LARGE1: variants seen among roughly 807,000 people sequenced by gnomAD.
The protein encoded by LARGE1 is xylosyl- and glucuronyltransferase LARGE1.
In LARGE1, 43 loss-of-function variants were observed where a neutral mutation model predicts 87.6. The observed-to-expected ratio is 0.49, with a 90% CI of 0.38 to 0.63. LARGE1 has a LOEUF of 0.63. Ranked by LOEUF, LARGE1 falls within the 30% of genes least tolerant of loss-of-function variation. The pLI, the probability that LARGE1 is intolerant of heterozygous loss-of-function variation, is 0.00. For synonymous variants in LARGE1, 434 were observed against 394.6 expected (o/e 1.10, Z -1.18); for missense variants, 802 against 1,000.2 (o/e 0.80, Z 2.67).
chr22:33,405,920 C>T (rs1443647612), intron 7 of LARGE1, among the ~76,000 whole-genome samples: 12 of 152,068 alleles, frequency 7.9e-5, no homozygotes, highest in African/African-American at 2.9e-4. Flanking sequence ...TAAATGAAGA[C>T]CATTAAAAAT....
chr22:33,836,811 GAATT>G (rs1035917891), intron 1 of LARGE1, among the ~76,000 whole-genome samples: 3 of 148,262 alleles, frequency 2.0e-5, no homozygotes, highest in Non-Finnish European at 4.4e-5. Flanking sequence ...AAAAAAAAAA[GAATT>G]AATCCATGTA....
At chr22:33,294,875 G>A (rs1276206278) in intron 12 of LARGE1, among the ~76,000 whole-genome samples, 2 of 152,224 alleles carry the variant, frequency 1.3e-5, no homozygotes, top group African/African-American at 2.4e-5. Context: ...GGACTGTGAA[G>A]AGGCCTCTTT....
intron 2 of LARGE1, among the ~76,000 whole-genome samples, chr22:33,705,473 C>G (rs191408962): frequency 6.6e-6 from 1 of 152,152 alleles, no homozygotes; most frequent in African/African-American, 2.4e-5. Flanking sequence ...GCACTGCTCA[C>G]GTCTCTACTT....
At chr22:33,310,398 C>G (rs1253475698) in intron 11 of LARGE1, among the ~76,000 whole-genome samples, 1 of 152,132 alleles carries the variant, frequency 6.6e-6, no homozygotes, top group Non-Finnish European at 1.5e-5. Flanking sequence ...CCCTCGTGAT[C>G]AGCTCCCTCT....
intron 7 of LARGE1, among the ~76,000 whole-genome samples, chr22:33,411,804 T>C (rs1601747623): frequency 1.3e-5 from 2 of 152,296 alleles, no homozygotes; most frequent in East Asian, 3.9e-4. Context: ...AACTATGCAG[T>C]TCTTAACAAG....
intron 1 of LARGE1, among the ~76,000 whole-genome samples, chr22:33,767,726 A>G (rs2084948563): frequency 6.6e-6 from 1 of 152,166 alleles, no homozygotes. Flanking sequence ...AACACTGCAC[A>G]TGAAGAAGGA....
At chr22:33,195,743 T>TC (rs1289653881) in intron 11 of LARGE1, among the ~76,000 whole-genome samples, 3 of 35,728 alleles carry the variant, frequency 8.4e-5, no homozygotes, top group Admixed American at 5.2e-4. Context: ...AATTAATTTC[T>TC]TTTTTCTTTT....
intron 9 of LARGE1, among the ~76,000 whole-genome samples, chr22:33,376,792 A>G (rs1196486054): frequency 1.3e-5 from 2 of 152,192 alleles, no homozygotes; most frequent in Non-Finnish European, 2.9e-5. Context: ...AGATGTACGA[A>G]TCCTAACAGT....
At chr22:33,495,535 A>G (rs1302794635) in intron 6 of LARGE1, among the ~76,000 whole-genome samples, 1 of 152,084 alleles carries the variant, frequency 6.6e-6, no homozygotes, top group Non-Finnish European at 1.5e-5. Context: ...CCTGACAGAC[A>G]TGGTGAAATC....
chr22:33,672,778 A>G (rs1352595021), intron 2 of LARGE1, among the ~76,000 whole-genome samples: 1 of 152,174 alleles, frequency 6.6e-6, no homozygotes, highest in Non-Finnish European at 1.5e-5. Flanking sequence ...AATACCCCAA[A>G]TCATCTGCAT....
chr22:33,067,831 T>A, the LARGE1 span, among the ~76,000 whole-genome samples: 12 of 152,094 alleles, frequency 7.9e-5, no homozygotes, highest in East Asian at 2.1e-3. Flanking sequence ...ATACAAAAAA[T>A]TAGCCAGGCG....
At chr22:33,095,388 T>G in the LARGE1 span, among the ~76,000 whole-genome samples, 2 of 152,220 alleles carry the variant, frequency 1.3e-5, no homozygotes, top group African/African-American at 2.4e-5. Context: ...TTCTTTCCTG[T>G]GTCACTGTGT....
intron 7 of LARGE1, among the ~76,000 whole-genome samples, chr22:33,415,217 G>C (rs986314288): frequency 4.6e-5 from 7 of 152,196 alleles, no homozygotes; most frequent in African/African-American, 1.7e-4. Flanking sequence ...TGGAGGCGTT[G>C]TTTTGTTTTT....
intron 1 of LARGE1, among the ~76,000 whole-genome samples, chr22:33,787,823 C>A (rs191982102): frequency 6.6e-6 from 1 of 152,292 alleles, no homozygotes; most frequent in East Asian, 1.9e-4. Flanking sequence ...TAGCTTTTGG[C>A]TAGTAGCAGC....
At chr22:33,708,704 G>A (rs1299990724) in intron 2 of LARGE1, among the ~76,000 whole-genome samples, 1 of 152,154 alleles carries the variant, frequency 6.6e-6, no homozygotes, top group East Asian at 1.9e-4. Context: ...GCGTTCAAGC[G>A]ATTCTCCTGC....
At chr22:33,317,410 C>T (rs572909274) in intron 10 of LARGE1, among the ~76,000 whole-genome samples, 58 of 152,274 alleles carry the variant, frequency 3.8e-4, no homozygotes, top group East Asian at 1.4e-3. Context: ...AAACTTAGCA[C>T]GTTAACAAAA....
intron 6 of LARGE1, among the ~76,000 whole-genome samples, chr22:33,497,102 C>T (rs1214771476): frequency 4.2e-5 from 6 of 144,326 alleles, no homozygotes; most frequent in African/African-American, 1.6e-4. Context: ...GAGACGGAGT[C>T]TCACTCTGTC....
exon 12 of LARGE1, chr22:33,165,470 G>A (rs1398609995): frequency 1.3e-5 from 2 of 152,104 alleles, no homozygotes; most frequent in Non-Finnish European, 2.9e-5. Flanking sequence ...TGAACCTCAC[G>A]GGAAGCCACT....
chr22:33,298,625 C>A (rs1933694488), intron 12 of LARGE1, among the ~76,000 whole-genome samples: 1 of 152,146 alleles, frequency 6.6e-6, no homozygotes, highest in South Asian at 2.1e-4. Flanking sequence ...GAGTTTGAGA[C>A]TAGCCTGGAC....
Sources: gnomAD v4.1 joint callset for allele counts (sites outside exome capture counted in the v4.1 genomes callset) on GRCh38, gnomAD v4.1.1 for gene constraint, MANE v1.5 for transcripts, NCBI Gene and HGNC (gene_info 2026-07-23, HGNC 2026-07-21) for gene names.